Variants in UBR2 observed in about 807,000 individuals in gnomAD.
UBR2 encodes the protein ubiquitin protein ligase E3 component n-recognin 2.
A neutral mutation model predicts 247.9 loss-of-function variants in UBR2; 92 were observed. The observed-to-expected ratio is 0.37, with a 90% CI of 0.31 to 0.44. UBR2 has a LOEUF of 0.44. Among genes scored for constraint, UBR2 ranks in the 20% least tolerant of loss-of-function variants. The probability of loss-of-function intolerance (pLI) is 1.00; values close to 1 mark genes in which losing one functional copy is unlikely to be tolerated. For synonymous variants in UBR2, 672 were observed against 693.5 expected (o/e 0.97, Z 0.49); for missense variants, 1,613 against 2,112.6 (o/e 0.76, Z 4.64).
chr6:42,594,382 A>G lies in UBR2; in HGVS notation c.531+78A>G. 3 of 1,126,824 alleles carry G rather than the reference A, an allele frequency of 2.7e-6. No homozygotes were observed. In the African/African-American group the frequency reaches 4.6e-5, roughly 17 times the overall value. 69.8% of individuals were successfully genotyped at this position (1,126,824 alleles called of 1,614,324 possible). ...AAATAGTCATTAGATGATGTGAGAA[A>G]TGGATAAGCAAATAGTACTTCCACT... On this transcript the variant is annotated intron_variant, in intron 4 of 46. Coordinates refer to ENST00000372901, the MANE Select transcript of UBR2 (RefSeq NM_001363705.2).
At chr6:42,688,177 C>G in intron 44 of UBR2, 39 bp from the exon 45 acceptor site, 1 of 1,613,916 alleles carries the variant, frequency 6.2e-7, no homozygotes, top group Non-Finnish European at 8.5e-7. Flanking sequence ...TTTAGCCACT[C>G]TTTAGATCAA....
intron 25 of UBR2, among the ~76,000 whole-genome samples, chr6:42,654,768 A>G (rs373790149): frequency 6.5e-4 from 99 of 152,266 alleles, no homozygotes; most frequent in African/African-American, 2.2e-3. Flanking sequence ...TAAAAAAACA[A>G]ATAGGTTGAT....
Position 42,616,078 on chromosome 6 carries a change from T to A in UBR2, c.1170T>A (p.Val390=), listed in dbSNP as rs755023829. The A allele has an allele frequency of 6.2e-7, 1 of 1,605,972 alleles. No individual in the cohort carries two copies. ...MDLKYKKLFA[V]RFAKNYERLQ... ...TGAAATACAAGAAACTATTTGCTGT[T>A]CGATTTGCAAAAGTAAGTGGCTTTT... Residue 390 remains valine (V), a synonymous_variant, in exon 10 of 47, where the codon GTT becomes GTA. Transcript: ENST00000372901.
At chr6:42,586,262 A>C (rs773303180) in intron 2 of UBR2, among the ~76,000 whole-genome samples, 17 of 151,940 alleles carry the variant, frequency 1.1e-4, no homozygotes, top group Admixed American at 3.3e-4. Context: ...AGTCCCAGCT[A>C]TGTGGGAGGT....
intron 26 of UBR2, 24 bp from the exon 27 acceptor site, chr6:42,658,000 G>A: frequency 1.9e-6 from 3 of 1,552,144 alleles, no homozygotes; most frequent in East Asian, 2.2e-5. Flanking sequence ...TATTGTTATT[G>A]TGCCTTTTAT....
intron 11 of UBR2, chr6:42,619,838 C>A: frequency 1.8e-6 from 1 of 555,390 alleles, no homozygotes; most frequent in Non-Finnish European, 2.3e-6. Context: ...CTGTCTCAGC[C>A]TCCCAAGTAG....
intron 31 of UBR2, among the ~76,000 whole-genome samples, chr6:42,662,535 TG>T (rs1305615534): frequency 6.6e-6 from 1 of 152,228 alleles, no homozygotes; most frequent in Non-Finnish European, 1.5e-5. Context: ...TATCAGTCTG[TG>T]GATGAAGAAA....
At chr6:42,608,794 TA>T (rs1793878597) in intron 7 of UBR2, among the ~76,000 whole-genome samples, 1 of 152,220 alleles carries the variant, frequency 6.6e-6, no homozygotes. Flanking sequence ...TGCATATTCT[TA>T]TTTTTTCTGT....
intron 2 of UBR2, among the ~76,000 whole-genome samples, chr6:42,575,077 T>C (rs1231757062): frequency 1.3e-5 from 2 of 152,236 alleles, no homozygotes; most frequent in Non-Finnish European, 2.9e-5. Context: ...CAGATGGGAA[T>C]ATGTTACATA....
chr6:42,670,648 T>G lies in UBR2; in HGVS notation c.4031-12T>G, dbSNP rs1798372605. 1 of 1,585,788 alleles carries G rather than the reference T, an allele frequency of 6.3e-7. No individual in the cohort carries two copies. Among genetic ancestry groups the G allele is most frequent in the East Asian group, 2.2e-5 (1 of 44,458 alleles). ...CATAACATTTACCATTTTAACCATC[T>G]TTAATCTGTAGAAAGAATTTTGAGT... On this transcript the variant is annotated splice_polypyrimidine_tract_variant and intron_variant, in intron 35 of 46. Coordinates refer to ENST00000372901, the MANE Select transcript of UBR2 (RefSeq NM_001363705.2).
At chr6:42,649,326 A>C (rs1796973907) in intron 22 of UBR2, among the ~76,000 whole-genome samples, 1 of 152,156 alleles carries the variant, frequency 6.6e-6, no homozygotes, top group Admixed American at 6.6e-5. Flanking sequence ...ACTTCCTTGT[A>C]GTCATGTACT....
At position 42,676,302 on chromosome 6, in the gene UBR2, C is replaced by CTGTT; in HGVS notation, c.4387+113_4387+116dup. 4 of 1,165,716 alleles carry CTGTT rather than the reference C, an allele frequency of 3.4e-6. No individual in the cohort carries two copies. The South Asian group carries it at 6.6e-5, about 19-fold the overall frequency. The allele number at this position is 1,165,716 out of a possible 1,614,324, so 72.2% of individuals were successfully genotyped here. A position where few individuals can be genotyped will look rare whatever the true frequency, so the allele number is the denominator to read the frequency against. ...GGATGAGAATAACACATGAATAAGG[C>CTGTT]TGTTTTTTTCTGTGTATCTTCATAT... On this transcript the variant is annotated intron_variant, in intron 39 of 46. Coordinates refer to ENST00000372901, the MANE Select transcript of UBR2 (RefSeq NM_001363705.2).
chr6:42,584,539 T>C (rs1792131772), intron 2 of UBR2, among the ~76,000 whole-genome samples: 1 of 152,322 alleles, frequency 6.6e-6, no homozygotes, highest in Non-Finnish European at 1.5e-5. Flanking sequence ...GTTTGTAAAT[T>C]TCTGTTTTTA....
At position 42,690,921 on chromosome 6, in the gene UBR2, C is replaced by G. The variant is rs1331361030; in HGVS notation, c.5127-111C>G. 2.2e-6 allele frequency: 3 copies of G among 1,343,088 alleles called. No individual in the cohort carries two copies. The African/African-American group carries it at 4.4e-5, about 20-fold the overall frequency. 83.2% of individuals were successfully genotyped at this position (1,343,088 alleles called of 1,614,324 possible). A position where few individuals can be genotyped will look rare whatever the true frequency, so the allele number is the denominator to read the frequency against. On this transcript the variant is annotated intron_variant, in intron 46 of 46. Coordinates refer to ENST00000372901, the MANE Select transcript of UBR2 (RefSeq NM_001363705.2). ...AGTCACCTGCCAGACAGAAATGTTG[C>G]AGGGAGTCTAAAACCAATAACTTGT... is the stretch of plus-strand genomic sequence containing the variant.
At chr6:42,643,704 G>C (rs62414630) in intron 18 of UBR2, among the ~76,000 whole-genome samples, 2 of 152,104 alleles carry the variant, frequency 1.3e-5, no homozygotes. Context: ...AATTAAAAGA[G>C]AATTGAAACT....
chr6:42,653,335 G>C (rs927540189), intron 25 of UBR2, among the ~76,000 whole-genome samples: 1 of 151,970 alleles, frequency 6.6e-6, no homozygotes, highest in Non-Finnish European at 1.5e-5. Context: ...CTCCCCCCTC[G>C]GCCTCCCCAA....
chr6:42,588,635 C>T (rs966725196), intron 2 of UBR2, among the ~76,000 whole-genome samples: 3 of 152,144 alleles, frequency 2.0e-5, no homozygotes, highest in Non-Finnish European at 4.4e-5. Context: ...ACACTGCACT[C>T]CAGCCTGGGT....
intron 2 of UBR2, among the ~76,000 whole-genome samples, chr6:42,576,562 C>T (rs1328334835): frequency 1.4e-5 from 2 of 145,772 alleles, no homozygotes; most frequent in Non-Finnish European, 3.0e-5. Flanking sequence ...TGGAGTCTCA[C>T]CCCGTAGCCC....
In UBR2 at chr6:42,616,219, T is replaced by C. The variant is rs12525466; in HGVS notation, c.1182+129T>C. 492 of 579,160 alleles carry C rather than the reference T, an allele frequency of 8.5e-4. 1 individual carries two copies. The Admixed American group carries it at 0.015, about 18-fold the overall frequency. 35.9% of individuals were successfully genotyped at this position (579,160 alleles called of 1,614,324 possible). A position where few individuals can be genotyped will look rare whatever the true frequency, so the allele number is the denominator to read the frequency against. ...GTGTTGATATTAAATTCTAAGAAAC[T>C]TCATAAATAATCTTTTCATTCTTTA... is the stretch of plus-strand genomic sequence containing the variant. On this transcript the variant is annotated intron_variant, in intron 10 of 46. Coordinates refer to ENST00000372901, the MANE Select transcript of UBR2 (RefSeq NM_001363705.2).
Sources: gnomAD v4.1 joint callset for allele counts (sites outside exome capture counted in the v4.1 genomes callset) on GRCh38, gnomAD v4.1.1 for gene constraint, MANE v1.5 for transcripts, NCBI Gene and HGNC (gene_info 2026-07-23, HGNC 2026-07-21) for gene names.